The following CHRNA9 variants were observed in gnomAD, a reference collection of about 807,000 sequenced individuals.
CHRNA9 encodes the protein neuronal acetylcholine receptor subunit alpha-9.
In CHRNA9, 24 loss-of-function variants were observed where a neutral mutation model predicts 36.8. The ratio of observed to expected loss-of-function variants is 0.65; its 90% CI spans 0.47 to 0.92. The LOEUF is 0.92. Among genes scored for constraint, CHRNA9 ranks in the 40% least tolerant of loss-of-function variants. CHRNA9 has a pLI of 0.00. For missense variants in CHRNA9, 610 were observed against 601.2 expected (o/e 1.01, Z -0.15); for synonymous variants, 231 against 231.8 (o/e 1.00, Z 0.03).
chr4:40,342,224 C>T (rs924541597), intron 3 of CHRNA9, among the ~76,000 whole-genome samples: 5 of 151,994 alleles, frequency 3.3e-5, no homozygotes, highest in Admixed American at 2.0e-4. Flanking sequence ...CCAGAAGAGA[C>T]TGGAAATAAA....
intron 3 of CHRNA9, among the ~76,000 whole-genome samples, chr4:40,338,852 GTC>G (rs372029603): frequency 0.15 from 21,404 of 144,132 alleles, 1,552 homozygotes; most frequent in African/African-American, 0.17. Context: ...CTCTGTCTCT[GTC>G]TCTCTCTCTC....
rs1712340792 is a variant in CHRNA9 at position 40,336,964 on chromosome 4, A to G, written c.211-246A>G. 2.0e-5 allele frequency among the ~76,000 whole-genome samples: 3 copies of G among 152,216 alleles called. 1 individual carries two copies. Among genetic ancestry groups the G allele is most frequent in the Admixed American group, 2.0e-4 (3 of 15,284 alleles). On this transcript the variant is annotated intron_variant, in intron 2 of 4. Transcript: ENST00000310169. Reference sequence around the variant, plus strand: ...TTCAGGAAATATAGGCAGTTGATCTATGCAAAGATATCAATACTAAAATAT... The same window carrying G: ...TTCAGGAAATATAGGCAGTTGATCTGTGCAAAGATATCAATACTAAAATAT...
At chr4:40,339,017 C>T (rs1000770079) in intron 3 of CHRNA9, among the ~76,000 whole-genome samples, 5 of 152,026 alleles carry the variant, frequency 3.3e-5, no homozygotes, top group African/African-American at 1.2e-4. Context: ...AGGACTAACC[C>T]CTGTAATCCC....
At position 40,354,732 on chromosome 4, in the gene CHRNA9, G is replaced by A; in HGVS notation, c.*212G>A. The stretch of plus-strand genomic sequence containing the variant: ...CAAGGGTAGGAAGATGGAAGAAATA[G>A]GGAAAGAGCCCTTTTATAGCCCACC... On this transcript the variant is annotated 3_prime_UTR_variant, in exon 5 of 5. Transcript: ENST00000310169. 1 of 510,006 alleles carries A rather than the reference G, an allele frequency of 2.0e-6. No individual in the cohort carries two copies. The highest frequency in any genetic ancestry group is 3.5e-6 in the Non-Finnish European group (1 of 288,338). 31.6% of individuals were successfully genotyped at this position (510,006 alleles called of 1,614,324 possible).
intron 3 of CHRNA9, among the ~76,000 whole-genome samples, chr4:40,343,906 G>A (rs1003127157): frequency 6.6e-6 from 1 of 152,168 alleles, no homozygotes; most frequent in Admixed American, 6.5e-5. Flanking sequence ...GACCTGTGAA[G>A]ATTTATCTTA....
chr4:40,354,455 T>G lies in CHRNA9; in HGVS notation c.1375T>G (p.Phe459Val). 6.2e-7 allele frequency: 1 copy of G among 1,614,144 alleles called. No individual in the cohort carries two copies. Among genetic ancestry groups the G allele is most frequent in the Non-Finnish European group, 8.5e-7 (1 of 1,179,996 alleles). Residue 459 changes from phenylalanine (F) to valine (V), a missense_variant, in exon 5 of 5, where the codon TTC (phenylalanine) becomes GTC (valine). Phe to Val is a conservative substitution (Grantham distance 50, BLOSUM62 -1). Transcript: ENST00000310169. ...KKVAKVIDRF[F>V]MWIFFIMVFV... ...GGTGGCGAAAGTCATAGACCGATTC[T>G]TCATGTGGATTTTTTTCATTATGGT...
chr4:40,337,413 T>C, intron 3 of CHRNA9, 49 bp downstream of exon 3: 1 of 1,568,506 alleles, frequency 6.4e-7, no homozygotes. Flanking sequence ...CGTGTTGATT[T>C]CATAGAATTT....
At chr4:40,352,220 T>C (rs755885508) in intron 4 of CHRNA9, among the ~76,000 whole-genome samples, 3 of 152,210 alleles carry the variant, frequency 2.0e-5, no homozygotes, top group African/African-American at 4.8e-5. Flanking sequence ...TATGTTATTA[T>C]ACAGCTATTT....
chr4:40,339,129 A>T (rs1373266029), intron 3 of CHRNA9, among the ~76,000 whole-genome samples: 1 of 149,366 alleles, frequency 6.7e-6, no homozygotes, highest in Non-Finnish European at 1.5e-5. Context: ...AATACAAAAA[A>T]TCAGCTGGGT....
chr4:40,344,290 G>A (rs1712576917), intron 3 of CHRNA9, among the ~76,000 whole-genome samples: 3 of 152,214 alleles, frequency 2.0e-5, no homozygotes. Context: ...CAGCACTTTG[G>A]GAGGTTGAGG....
chr4:40,351,464 C>A (rs1320095790), intron 4 of CHRNA9, among the ~76,000 whole-genome samples: 1 of 152,078 alleles, frequency 6.6e-6, no homozygotes, highest in African/African-American at 2.4e-5. Context: ...GTGTGAGCCA[C>A]CGCAACTGGC....
At position 40,353,185 on chromosome 4, in the gene CHRNA9, G is replaced by T. The variant is rs142401855; in HGVS notation, c.899-794G>T. Among the ~76,000 whole-genome samples, 217 of 152,248 alleles carry T rather than the reference G, an allele frequency of 1.4e-3. 2 individuals carry two copies. Among genetic ancestry groups the T allele is most frequent in the African/African-American group, 5.0e-3 (207 of 41,550 alleles). ...TAAAGCTGGGATTTGAATCCAGGAA[G>T]TCAGATTCAAAAGTCTATACTATAG... On this transcript the variant is annotated intron_variant, in intron 4 of 4. Coordinates refer to ENST00000310169, the MANE Select transcript of CHRNA9 (RefSeq NM_017581.4).
chr4:40,346,976 A>AATTTTTGT (rs1712654006), intron 3 of CHRNA9, among the ~76,000 whole-genome samples: 1 of 151,756 alleles, frequency 6.6e-6, no homozygotes, highest in African/African-American at 2.4e-5. Context: ...ACGCCTGGCT[A>AATTTTTGT]ATTTTTGTAT....
chr4:40,353,415 T>C (rs1712858351), intron 4 of CHRNA9, among the ~76,000 whole-genome samples: 1 of 150,898 alleles, frequency 6.6e-6, no homozygotes, highest in South Asian at 2.1e-4. Flanking sequence ...CACTTGAACC[T>C]GGGAGCCAGA....
chr4:40,354,042 T>C lies in CHRNA9; in HGVS notation c.962T>C (p.Met321Thr). The stretch of plus-strand genomic sequence containing the variant: ...TCCACTGCGTTGACCATCATGGTGA[T>C]GAATATCCACTTCTGTGGGGCCGAG... ...TASTALTIMV[M>T]NIHFCGAEAR... is the part of the protein sequence containing the mutation. The change falls in exon 5 of 5, where the codon ATG becomes ACG. Residue 321 changes from methionine to threonine, a missense_variant. Physicochemically the swap from Met to Thr is moderately conservative, Grantham distance 81. Transcript: ENST00000310169. 1 of 1,614,216 alleles carries C rather than the reference T, an allele frequency of 6.2e-7. No individual in the cohort carries two copies. The highest frequency in any genetic ancestry group is 8.5e-7 in the Non-Finnish European group (1 of 1,180,018).
chr4:40,344,377 C>CA (rs1165178891), intron 3 of CHRNA9, among the ~76,000 whole-genome samples: 4 of 151,800 alleles, frequency 2.6e-5, no homozygotes, highest in Non-Finnish European at 5.9e-5. Flanking sequence ...ACTAAAAATA[C>CA]AAAAAAATTA....
At chr4:40,350,144 A>T (rs1712752490) in intron 4 of CHRNA9, among the ~76,000 whole-genome samples, 1 of 152,176 alleles carries the variant, frequency 6.6e-6, no homozygotes, top group Admixed American at 6.5e-5. Context: ...CCTGACATCT[A>T]CCCTTAACAG....
At chr4:40,338,846 GTC>G (rs1177540092) in intron 3 of CHRNA9, among the ~76,000 whole-genome samples, 1 of 129,130 alleles carries the variant, frequency 7.7e-6, no homozygotes, top group Non-Finnish European at 1.6e-5. Flanking sequence ...CTCTGTCTCT[GTC>G]TCTGTCTCTC....
chr4:40,349,516 T>A, intron 4 of CHRNA9, 102 bp downstream of exon 4: 1 of 1,165,318 alleles, frequency 8.6e-7, no homozygotes, highest in East Asian at 2.4e-5. Flanking sequence ...ATGGAGCCAA[T>A]TTCGACTCAA....
Sources: gnomAD v4.1 joint callset for allele counts (sites outside exome capture counted in the v4.1 genomes callset) on GRCh38, gnomAD v4.1.1 for gene constraint, MANE v1.5 for transcripts, NCBI Gene and HGNC (gene_info 2026-07-23, HGNC 2026-07-21) for gene names.